FHAD1: variants seen among roughly 807,000 people sequenced by gnomAD.
FHAD1 encodes forkhead-associated domain-containing protein 1.
A neutral mutation model predicts 191.3 loss-of-function variants in FHAD1; 146 were observed. The ratio of observed to expected loss-of-function variants is 0.76; its 90% CI spans 0.67 to 0.88. The LOEUF is 0.88. FHAD1 is among the 40% of genes least tolerant of loss of function. FHAD1 has a pLI of 0.00. For missense variants in FHAD1, 1,635 were observed against 1,785.8 expected, an observed-to-expected ratio of 0.92 and a Z score of 1.52; for synonymous variants, 616 against 672.3, an observed-to-expected ratio of 0.92 and a Z score of 1.29.
chr1:15,335,208 G>T (rs1232648545), intron 14 of FHAD1: 1 of 152,316 alleles, frequency 6.6e-6, no homozygotes, highest in Non-Finnish European at 1.5e-5. Context: ...TTGCTGTGTG[G>T]TTCAGCTGGG....
rs997278736 is a variant in FHAD1 at position 15,311,606 on chromosome 1, G to T, written c.1040-1451G>T. 6.6e-6 allele frequency among the ~76,000 whole-genome samples: 1 copy of T among 152,116 alleles called. No individual in the cohort carries two copies. The highest frequency in any genetic ancestry group is 2.4e-5 in the African/African-American group (1 of 41,430). On this transcript the variant is annotated intron_variant, in intron 7 of 33. Transcript: ENST00000688493. The surrounding 1 kb of genome is among the most constrained non-coding windows in gnomAD (Gnocchi z 4.1). ...TTACAATGAAATTCTGAATCATGTT[G>T]TTCTTTATTACACATCCTTGATTGT... is the stretch of plus-strand genomic sequence containing the variant.
chr1:15,392,258 C>T (rs1434339141), intron 33 of FHAD1, among the ~76,000 whole-genome samples: 3 of 152,128 alleles, frequency 2.0e-5, no homozygotes, highest in Non-Finnish European at 4.4e-5. Flanking sequence ...CCAGGCCAGG[C>T]GTGGTGGCTC....
intron 2 of FHAD1, among the ~76,000 whole-genome samples, chr1:15,260,600 G>A (rs534849850): frequency 6.6e-6 from 1 of 152,300 alleles, no homozygotes; most frequent in East Asian, 1.9e-4. Context: ...CGAGGCCTCT[G>A]TGTCCTCACT....
At chr1:15,299,460 A>C (rs1261453047) in intron 5 of FHAD1, among the ~76,000 whole-genome samples, 1 of 152,214 alleles carries the variant, frequency 6.6e-6, no homozygotes, top group Admixed American at 6.5e-5. Context: ...ATGATCCAAA[A>C]GGAAGCAAGA....
intron 32 of FHAD1, among the ~76,000 whole-genome samples, chr1:15,389,064 C>T (rs1703104580): frequency 6.6e-6 from 1 of 152,140 alleles, no homozygotes; most frequent in Non-Finnish European, 1.5e-5. Context: ...TCCTGGAGCC[C>T]TTGTGCCCCG....
At chr1:15,346,480 G>A (rs76943524) in intron 18 of FHAD1, among the ~76,000 whole-genome samples, 1,885 of 152,172 alleles carry the variant, frequency 0.012, 40 homozygotes, top group African/African-American at 0.042. Flanking sequence ...GTATCTGTCC[G>A]GGCTTCATAG....
chr1:15,259,720 G>A (rs76679802), intron 2 of FHAD1, among the ~76,000 whole-genome samples: 383 of 152,268 alleles, frequency 2.5e-3, no homozygotes, highest in African/African-American at 8.7e-3. Context: ...CCAGGCTGCA[G>A]GTGTTTTCCT....
intron 5 of FHAD1, among the ~76,000 whole-genome samples, chr1:15,297,303 A>G (rs1319136379): frequency 1.3e-5 from 2 of 152,230 alleles, no homozygotes; most frequent in Non-Finnish European, 2.9e-5. Context: ...GATAAATTGA[A>G]GCAAACTTGG....
At position 15,388,185 on chromosome 1, in the gene FHAD1, G is replaced by A. The variant is rs574475039; in HGVS notation, c.4269+54G>A. 6.0e-4 allele frequency: 687 copies of A among 1,142,290 alleles called. 1 individual carries two copies. Among genetic ancestry groups the A allele is most frequent in the Non-Finnish European group, 7.5e-4 (643 of 855,694 alleles). The allele number at this position is 1,142,290 out of a possible 1,614,324, so 70.8% of individuals were successfully genotyped here. A position where few individuals can be genotyped will look rare whatever the true frequency, so the allele number is the denominator to read the frequency against. ...ACAGAGTAGAGACAGTCTCAACTGG[G>A]GGTAAGAGCTCATGGCATGCAAATG... On this transcript the variant is annotated intron_variant, in intron 32 of 33. Transcript: ENST00000688493.
downstream of FHAD1, among the ~76,000 whole-genome samples, chr1:15,399,414 A>C (rs1706909215): frequency 6.6e-6 from 1 of 152,034 alleles, no homozygotes. Flanking sequence ...AAGAAACTTA[A>C]AAATTAGCTG....
chr1:15,309,653 TTA>T, intron 7 of FHAD1, among the ~76,000 whole-genome samples: 1 of 148,240 alleles, frequency 6.7e-6, no homozygotes, highest in South Asian at 2.1e-4. Context: ...TCCTAAAACA[TTA>T]TGAGATTTTT....
At chr1:15,321,914 G>GC (rs1676442348) in intron 10 of FHAD1, among the ~76,000 whole-genome samples, 1 of 152,180 alleles carries the variant, frequency 6.6e-6, no homozygotes, top group African/African-American at 2.4e-5. Context: ...TTCTGCACTG[G>GC]CAATTGTTTT....
chr1:15,357,621 G>C (rs570722856), intron 20 of FHAD1, among the ~76,000 whole-genome samples: 1 of 106,492 alleles, frequency 9.4e-6, no homozygotes, highest in Non-Finnish European at 1.8e-5. Context: ...AGACTCCTCC[G>C]TCTCAAAAAA....
intron 18 of FHAD1, among the ~76,000 whole-genome samples, chr1:15,348,679 C>T (rs1043729050): frequency 4.6e-5 from 7 of 152,166 alleles, no homozygotes; most frequent in Non-Finnish European, 1.0e-4. Context: ...TGCCTGGCCT[C>T]GTGATAGGAA....
intron 21 of FHAD1, among the ~76,000 whole-genome samples, chr1:15,359,620 G>T (rs1418318093): frequency 6.6e-6 from 1 of 152,040 alleles, no homozygotes; most frequent in East Asian, 1.9e-4. Flanking sequence ...GGCCAAGGTG[G>T]GTGGATCATC....
At chr1:15,274,097 A>G (rs889077042) in intron 3 of FHAD1, among the ~76,000 whole-genome samples, 11 of 152,168 alleles carry the variant, frequency 7.2e-5, no homozygotes, top group African/African-American at 2.7e-4. Context: ...AAGCTGAAGA[A>G]TGCTCCCTTG....
intron 1 of FHAD1, among the ~76,000 whole-genome samples, chr1:15,250,021 C>A (rs984374652): frequency 1.3e-5 from 2 of 152,132 alleles, no homozygotes; most frequent in Admixed American, 1.3e-4. Flanking sequence ...AGGAAAAGTG[C>A]CTGGCACTTA....
At chr1:15,378,177 A>T (rs1314905528) in intron 28 of FHAD1, among the ~76,000 whole-genome samples, 1 of 152,176 alleles carries the variant, frequency 6.6e-6, no homozygotes, top group East Asian at 1.9e-4. Flanking sequence ...GGTGGTGCAC[A>T]TCCGTGCTCA....
At chr1:15,395,307 C>CAA (rs34527814) in intron 33 of FHAD1, among the ~76,000 whole-genome samples, 3,438 of 101,318 alleles carry the variant, frequency 0.034, 189 homozygotes, top group African/African-American at 0.1. Context: ...GACTCCATCT[C>CAA]AAAAAAAAAA....
Sources: gnomAD v4.1 joint callset for allele counts (sites outside exome capture counted in the v4.1 genomes callset) on GRCh38, gnomAD v4.1.1 for gene constraint, Gnocchi (gnomAD v3.1) non-coding constraint, MANE v1.5 for transcripts, NCBI Gene and HGNC (gene_info 2026-07-23, HGNC 2026-07-21) for gene names.